Variants in CUX2 observed in about 807,000 individuals in gnomAD.
CUX2 encodes cut like homeobox 2, also known as homeobox protein cut-like 2.
CUX2 carries 40 observed loss-of-function variants against 144.8 expected under a neutral mutation model. The ratio of observed to expected loss-of-function variants is 0.28; its 90% CI spans 0.21 to 0.36. The LOEUF (loss-of-function observed/expected upper bound fraction) is 0.36. CUX2 is among the 10% of genes least tolerant of loss of function. CUX2 has a pLI of 1.00. For synonymous variants in CUX2, 827 were observed against 875.6 expected, an observed-to-expected ratio of 0.94 and a Z score of 0.98; for missense variants, 1,615 against 1,994.0, an observed-to-expected ratio of 0.81 and a Z score of 3.62.
chr12:111,091,008 C>CG (rs1445276413), intron 1 of CUX2, among the ~76,000 whole-genome samples: 3 of 152,136 alleles, frequency 2.0e-5, no homozygotes, highest in Non-Finnish European at 4.4e-5. Context: ...GTTAAGGCCA[C>CG]GGGGGAGTGA....
intron 4 of CUX2, among the ~76,000 whole-genome samples, chr12:111,285,948 A>G (rs907670434): frequency 1.3e-5 from 2 of 152,228 alleles, no homozygotes; most frequent in African/African-American, 2.4e-5. Context: ...TTTCAGGGAT[A>G]ATATCAGACC....
At chr12:111,140,771 T>C (rs1165395396) in intron 1 of CUX2, among the ~76,000 whole-genome samples, 1 of 152,238 alleles carries the variant, frequency 6.6e-6, no homozygotes, top group East Asian at 1.9e-4. Context: ...ACTCGAAAGC[T>C]GTGTTACCTT....
chr12:111,308,156 G>A (rs1422697409), intron 12 of CUX2, 129 bp from the exon 13 acceptor site: 1 of 1,024,644 alleles, frequency 9.8e-7, no homozygotes, highest in East Asian at 2.4e-5. Context: ...AATGACTCTG[G>A]AATTAATGGG....
intron 16 of CUX2, among the ~76,000 whole-genome samples, chr12:111,319,171 G>A (rs551699515): frequency 4.6e-5 from 7 of 152,084 alleles, no homozygotes; most frequent in African/African-American, 1.7e-4. Context: ...AAAATTAGCT[G>A]AGCATGGTGG....
rs759366434 is a variant in CUX2, at chr12:111,304,159, G to A, written c.754-51G>A. On this transcript the variant is annotated intron_variant, in intron 9 of 21. Transcript: ENST00000261726. The surrounding 1 kb of genome is among the most constrained non-coding windows in gnomAD (Gnocchi z 4.7). ...GCCTGAAACAGTGCAGGGAGAAGGT[G>A]GAAGTGCAGAGTGGGCTCACCTCTC... 44 of 1,449,228 alleles carry A rather than the reference G, an allele frequency of 3.0e-5. No individual in the cohort carries two copies. The South Asian group carries it at 3.6e-4, about 12-fold the overall frequency. 89.8% of individuals were successfully genotyped at this position (1,449,228 alleles called of 1,614,324 possible). A position where few individuals can be genotyped will look rare whatever the true frequency, so the allele number is the denominator to read the frequency against.
intron 4 of CUX2, among the ~76,000 whole-genome samples, chr12:111,275,833 GCTCTC>G (rs1439647067): frequency 3.3e-5 from 5 of 152,114 alleles, no homozygotes; most frequent in Non-Finnish European, 7.3e-5. Flanking sequence ...CACGCCACCA[GCTCTC>G]CCCTTTGAAC....
rs1884221754 is a variant in CUX2 at position 111,263,310 on chromosome 12, G to A, written c.223-451G>A. On this transcript the variant is annotated intron_variant, in intron 3 of 21. Transcript: ENST00000261726. This position sits in a 1 kb window ranked among gnomAD's most constrained non-coding sequence, Gnocchi z 4.0. ...AAGACCCCATCGCTTAAACAAACAA[G>A]AAAAAAAATACATGGCCAGCCATGG... Among the ~76,000 whole-genome samples the A allele has an allele frequency of 6.6e-6, 1 of 151,798 alleles. No homozygotes were observed. The highest frequency in any genetic ancestry group is 2.4e-5 in the African/African-American group (1 of 41,342).
rs189368213 is a variant in CUX2 at position 111,229,674 on chromosome 12, G to T, written c.222+11737G>T. ...CCCAGCACTTTGGGAGGCTGAGGTG[G>T]AAGGATTGTTTGAGCTCAGGAGGTC... On this transcript the variant is annotated intron_variant, in intron 3 of 21. Transcript: ENST00000261726. 2.2e-3 allele frequency among the ~76,000 whole-genome samples: 332 copies of T among 152,188 alleles called. 5 individuals are homozygous for T. The highest frequency in any genetic ancestry group is 1.6e-3 in the Non-Finnish European group (111 of 68,014).
In CUX2 at chr12:111,291,470, C is replaced by T. The variant is rs367783595; in HGVS notation, c.354C>T (p.Pro118=). The change falls in exon 5 of 22, where the codon CCC becomes CCT. Residue 118 remains proline, a synonymous_variant. Coordinates refer to ENST00000261726, the MANE Select transcript of CUX2 (RefSeq NM_015267.4). The part of the protein sequence containing the change: ...AARSLDDRLQ[P]PSFDPSGQPR... ...GCAGCCTAGACGACAGACTGCAGCC[C>T]CCCAGCTTTGACCCCAGTGGGCAGC... 772 of 1,612,910 alleles carry T rather than the reference C, an allele frequency of 4.8e-4. 9 individuals are homozygous for T. The Middle Eastern group carries it at 6.0e-3, about 12-fold the overall frequency.
chr12:111,176,115 G>A (rs1051928880), intron 1 of CUX2, among the ~76,000 whole-genome samples: 9 of 144,632 alleles, frequency 6.2e-5, no homozygotes, highest in South Asian at 2.2e-4. Flanking sequence ...ACAGTGATGC[G>A]ATCACAGCTC....
intron 1 of CUX2, chr12:111,099,503 G>C (rs1397641125): frequency 1.5e-5 from 7 of 455,118 alleles, no homozygotes; most frequent in Non-Finnish European, 3.1e-5. Flanking sequence ...CGGGTTTGCA[G>C]GCAGGGCAAG....
Position 111,287,542 on chromosome 12 carries a change from A to G in CUX2, c.302-3876A>G, listed in dbSNP as rs1885451030. On this transcript the variant is annotated intron_variant, in intron 4 of 21. Transcript: ENST00000261726. This position sits in a 1 kb window ranked among gnomAD's most constrained non-coding sequence, Gnocchi z 4.2. ...TGCAGATGGACTCATTAGCATGCAC[A>G]CAACAAATAATTATAGATGAATTTT... 6.6e-6 allele frequency among the ~76,000 whole-genome samples: 1 copy of G among 152,282 alleles called. No individual in the cohort carries two copies. The highest frequency in any genetic ancestry group is 6.5e-5 in the Admixed American group (1 of 15,290).
chr12:111,038,976 T>G (rs1287739240), intron 1 of CUX2, among the ~76,000 whole-genome samples: 4 of 152,030 alleles, frequency 2.6e-5, no homozygotes, highest in Non-Finnish European at 4.4e-5. Flanking sequence ...TTTTAAACTC[T>G]CCTGTTAAAA....
chr12:111,044,907 G>A (rs935057755), intron 1 of CUX2, among the ~76,000 whole-genome samples: 1 of 152,220 alleles, frequency 6.6e-6, no homozygotes, highest in Middle Eastern at 3.2e-3. Context: ...AGCTCCATCA[G>A]TCTCGCCTTA....
In CUX2 at chr12:111,039,536, T is replaced by C. The variant is rs1869635602; in HGVS notation, c.63+5296T>C. 6.6e-6 allele frequency among the ~76,000 whole-genome samples: 1 copy of C among 152,170 alleles called. No individual in the cohort carries two copies. The highest frequency in any genetic ancestry group is 1.5e-5 in the Non-Finnish European group (1 of 68,034). ...CTGACACCTTTGTGGGTCACTTAAATGCATTGTCTTCTTCTTTTTTGTTTT... is the reference window on the plus strand; with the variant it reads ...CTGACACCTTTGTGGGTCACTTAAACGCATTGTCTTCTTCTTTTTTGTTTT... On this transcript the variant is annotated intron_variant, in intron 1 of 21. Coordinates refer to ENST00000261726, the MANE Select transcript of CUX2 (RefSeq NM_015267.4). The surrounding 1 kb of genome is among the most constrained non-coding windows in gnomAD (Gnocchi z 4.2).
chr12:111,095,673 GAGGT>G (rs1325348851), intron 1 of CUX2, among the ~76,000 whole-genome samples: 1 of 152,188 alleles, frequency 6.6e-6, no homozygotes, highest in Non-Finnish European at 1.5e-5. Flanking sequence ...GCTGCAGTGA[GAGGT>G]AGATGAGAGG....
chr12:111,320,569 G>T lies in CUX2; in HGVS notation c.2560G>T (p.Ala854Ser). The change falls in exon 17 of 22, where the codon GCT becomes TCT. Residue 854 changes from alanine to serine, a missense_variant. Around this residue, in one of 12 missense-constraint regions of CUX2, gnomAD observed 390 missense variants for 387.1 expected, o/e 1.01. Coordinates refer to ENST00000261726, the MANE Select transcript of CUX2 (RefSeq NM_015267.4). The surrounding 1 kb of genome is among the most constrained non-coding windows in gnomAD (Gnocchi z 8.1). ...DEPPRTGELK[A>S]EGATAEAGAR... ...ACCCCCCAGGACGGGCGAGCTCAAG[G>T]CTGAGGGCGCGACGGCCGAGGCGGG... 6.5e-7 allele frequency: 1 copy of T among 1,530,236 alleles called. No homozygotes were observed. Among genetic ancestry groups the T allele is most frequent in the East Asian group, 2.5e-5 (1 of 40,324 alleles). 94.8% of individuals were successfully genotyped at this position (1,530,236 alleles called of 1,614,324 possible).
chr12:111,111,368 C>A (rs550209967), intron 1 of CUX2, among the ~76,000 whole-genome samples: 2 of 152,180 alleles, frequency 1.3e-5, no homozygotes, highest in African/African-American at 4.8e-5. Context: ...TCTTTCCCAA[C>A]CCTATCCAGC....
At chr12:111,104,389 A>G (rs1376787710) in intron 1 of CUX2, among the ~76,000 whole-genome samples, 1 of 152,214 alleles carries the variant, frequency 6.6e-6, no homozygotes, top group Middle Eastern at 3.2e-3. Flanking sequence ...GTGGGCTAAC[A>G]AAGTCCAAAG....
Sources: gnomAD v4.1 joint callset for allele counts (sites outside exome capture counted in the v4.1 genomes callset) on GRCh38, gnomAD v4.1.1 for gene constraint, gnomAD v4.1.1 regional missense constraint, Gnocchi (gnomAD v3.1) non-coding constraint, MANE v1.5 for transcripts, NCBI Gene and HGNC (gene_info 2026-07-23, HGNC 2026-07-21) for gene names.